Variants in MAGI1 observed in about 807,000 individuals in gnomAD.
The protein encoded by MAGI1 is membrane-associated guanylate kinase, WW and PDZ domain-containing protein 1.
A neutral mutation model predicts 139.9 loss-of-function variants in MAGI1; 58 were observed. That is an observed-to-expected ratio of 0.41 (90% confidence interval 0.34 to 0.52). MAGI1 has a LOEUF of 0.52. MAGI1 is among the 20% of genes least tolerant of loss of function. MAGI1 has a pLI of 0.12. For missense variants in MAGI1, 1,874 were observed against 1,901.6 expected (o/e 0.99, Z 0.27); for synonymous variants, 812 against 737.9 (o/e 1.10, Z -1.63).
chr3:66,038,216 C>A lies in MAGI1; in HGVS notation c.93G>T (p.Thr31=), dbSNP rs142360191. The A allele has an allele frequency of 1.4e-3, 2,267 of 1,612,168 alleles. 4 individuals carry two copies. The highest frequency in any genetic ancestry group is 1.5e-3 in the Non-Finnish European group (1,715 of 1,179,638). The change falls in exon 1 of 23, where the codon ACG becomes ACT. Residue 31 remains threonine (T), a synonymous_variant. Transcript: ENST00000402939. ...CCCCGTGCTCCGCGCCTCCCAGCACCGTCACCCCCAGCTCGCCCTGGGGTC... is the reference window on the plus strand; with the variant it reads ...CCCCGTGCTCCGCGCCTCCCAGCACAGTCACCCCCAGCTCGCCCTGGGGTC... ...KRGPQGELGV[T]VLGGAEHGEF...
intron 2 of MAGI1, among the ~76,000 whole-genome samples, chr3:65,588,153 C>T (rs1432084895): frequency 2.0e-5 from 3 of 152,188 alleles, no homozygotes; most frequent in Non-Finnish European, 4.4e-5. Flanking sequence ...ATGCTTTCAA[C>T]TCCTGTAACG....
At chr3:65,603,889 G>T (rs570827258) in intron 2 of MAGI1, among the ~76,000 whole-genome samples, 1 of 152,100 alleles carries the variant, frequency 6.6e-6, no homozygotes, top group Admixed American at 6.5e-5. Flanking sequence ...CTGGAAGAAA[G>T]GAAACCCACT....
chr3:65,396,954 G>A (rs1944438024), intron 13 of MAGI1, among the ~76,000 whole-genome samples: 2 of 152,226 alleles, frequency 1.3e-5, no homozygotes, highest in Non-Finnish European at 2.9e-5. Flanking sequence ...ATATGAAAAT[G>A]GGTTCTGGTT....
At chr3:65,673,545 T>C (rs1238002597) in intron 1 of MAGI1, among the ~76,000 whole-genome samples, 1 of 152,188 alleles carries the variant, frequency 6.6e-6, no homozygotes, top group Non-Finnish European at 1.5e-5. Context: ...TACTCCAATT[T>C]GAGAAAAAGT....
intron 2 of MAGI1, among the ~76,000 whole-genome samples, chr3:65,571,132 C>T (rs2108069584): frequency 6.6e-6 from 1 of 152,112 alleles, no homozygotes; most frequent in Admixed American, 6.6e-5. Context: ...GAAATATTTC[C>T]AGAAAATGAA....
At chr3:65,422,730 A>G (rs1283068512) in intron 12 of MAGI1, among the ~76,000 whole-genome samples, 1 of 152,106 alleles carries the variant, frequency 6.6e-6, no homozygotes, top group Non-Finnish European at 1.5e-5. Flanking sequence ...TTGATTTATG[A>G]GGAATGGTCA....
chr3:65,437,208 A>G lies in MAGI1; in HGVS notation c.1310T>C (p.Ile437Thr), dbSNP rs760229586. ...TGGATTGCTTGGAGGGTGGTTTGGAATAACAGGAGGCACAAGGGCTGAGTG... is the reference window on the plus strand; with the variant it reads ...TGGATTGCTTGGAGGGTGGTTTGGAGTAACAGGAGGCACAAGGGCTGAGTG... Reference protein sequence around the residue: ...EDHSALVPPVIPNHPPSNPEP... With the variant: ...EDHSALVPPVTPNHPPSNPEP... The change falls in exon 10 of 23, where the codon ATT (isoleucine) becomes ACT (threonine). Residue 437 changes from isoleucine (I) to threonine (T), a missense_variant. This residue lies in a region of MAGI1 where 648 missense variants were observed against 598.1 expected (regional missense o/e 1.08). Coordinates refer to ENST00000402939, the MANE Select transcript of MAGI1 (RefSeq NM_001033057.2). 3.7e-6 allele frequency: 6 copies of G among 1,612,510 alleles called. No homozygotes were observed. Among genetic ancestry groups the G allele is most frequent in the Non-Finnish European group, 5.1e-6 (6 of 1,178,806 alleles).
At chr3:65,983,379 C>A (rs1218700230) in intron 1 of MAGI1, among the ~76,000 whole-genome samples, 1 of 152,270 alleles carries the variant, frequency 6.6e-6, no homozygotes, top group East Asian at 1.9e-4. Flanking sequence ...ATGTGGAGTA[C>A]AATGAGACTC....
intron 1 of MAGI1, among the ~76,000 whole-genome samples, chr3:65,963,615 CTAAA>C (rs200749979): frequency 1.7e-4 from 26 of 152,018 alleles, no homozygotes; most frequent in African/African-American, 6.3e-4. Flanking sequence ...GACTCAGTCT[CTAAA>C]TAAATAAATA....
At chr3:65,770,213 C>T (rs2107934710) in intron 1 of MAGI1, among the ~76,000 whole-genome samples, 1 of 152,322 alleles carries the variant, frequency 6.6e-6, no homozygotes, top group East Asian at 1.9e-4. Context: ...GGCCATTCAG[C>T]ATTTCCCAGA....
At chr3:65,891,927 TATATATATATATATAC>T (rs2060783424) in intron 1 of MAGI1, among the ~76,000 whole-genome samples, 2 of 109,778 alleles carry the variant, frequency 1.8e-5, no homozygotes, top group African/African-American at 6.8e-5. Flanking sequence ...TATATATATA[TATATATATATATATAC>T]CCGTGTTGCT....
chr3:65,503,608 CA>C (rs150348723), intron 2 of MAGI1, among the ~76,000 whole-genome samples: 11,188 of 152,234 alleles, frequency 0.073, 545 homozygotes, highest in Non-Finnish European at 0.11. Flanking sequence ...TGTTTGGGAT[CA>C]GCAGACCATT....
chr3:65,618,026 C>T (rs1180314260), intron 2 of MAGI1, among the ~76,000 whole-genome samples: 2 of 152,068 alleles, frequency 1.3e-5, no homozygotes. Flanking sequence ...GGCAACAGGC[C>T]CAATCTGCAG....
chr3:65,627,777 A>G (rs1261558776), intron 1 of MAGI1, among the ~76,000 whole-genome samples: 1 of 151,900 alleles, frequency 6.6e-6, no homozygotes, highest in Admixed American at 6.6e-5. Flanking sequence ...AAGTGCTAGG[A>G]TTACAGGCTT....
At chr3:65,990,082 A>C (rs1449028946) in intron 1 of MAGI1, among the ~76,000 whole-genome samples, 5 of 152,192 alleles carry the variant, frequency 3.3e-5, no homozygotes, top group Non-Finnish European at 5.9e-5. Flanking sequence ...GATGATAATG[A>C]AGAGGATTAT....
At chr3:65,606,392 G>A (rs1210721855) in intron 2 of MAGI1, among the ~76,000 whole-genome samples, 2 of 152,112 alleles carry the variant, frequency 1.3e-5, no homozygotes, top group Non-Finnish European at 2.9e-5. Context: ...CCAGGCAGGA[G>A]TACAGTGGCA....
intron 5 of MAGI1, among the ~76,000 whole-genome samples, chr3:65,462,511 G>A (rs1043532398): frequency 2.2e-4 from 33 of 152,108 alleles, no homozygotes; most frequent in African/African-American, 5.1e-4. Context: ...ATGCTGTTTC[G>A]GTTACTGTAG....
At chr3:65,903,691 G>A (rs149222129) in intron 1 of MAGI1, among the ~76,000 whole-genome samples, 3 of 152,110 alleles carry the variant, frequency 2.0e-5, no homozygotes, top group African/African-American at 7.2e-5. Context: ...TGCTTATTTC[G>A]ATTTGCCTAA....
chr3:65,984,315 TG>T (rs1290073919), intron 1 of MAGI1, among the ~76,000 whole-genome samples: 1 of 151,968 alleles, frequency 6.6e-6, no homozygotes, highest in Non-Finnish European at 1.5e-5. Context: ...AATAGTGTGT[TG>T]GGTACTAGGA....
Sources: allele counts gnomAD v4.1 joint callset (sites outside exome capture counted in the v4.1 genomes callset), GRCh38; gene constraint gnomAD v4.1.1; regional missense constraint gnomAD v4.1.1; transcripts MANE v1.5; gene names NCBI Gene and HGNC (gene_info 2026-07-23, HGNC 2026-07-21).